FBLN2: variants seen among roughly 807,000 people sequenced by gnomAD.
FBLN2 encodes fibulin-2.
Under a neutral mutation model 123.7 loss-of-function variants are expected in FBLN2, and 81 were observed. The observed-to-expected ratio is 0.65, with a 90% CI of 0.55 to 0.79. The LOEUF (loss-of-function observed/expected upper bound fraction) is 0.79, where lower values mean the gene tolerates loss of function less well. Among genes scored for constraint, FBLN2 ranks in the 30% least tolerant of loss-of-function variants. The pLI is 0.00. For missense variants in FBLN2, 1,603 were observed against 1,681.3 expected, an observed-to-expected ratio of 0.95 and a Z score of 0.81; for synonymous variants, 699 against 701.4, an observed-to-expected ratio of 1.00 and a Z score of 0.05.
chr3:13,570,914 G>A lies in FBLN2; in HGVS notation c.559G>A (p.Gly187Ser), dbSNP rs1703920392. 6.2e-7 allele frequency: 1 copy of A among 1,612,882 alleles called. No homozygotes were observed. ...CHGNFSDAEE[G>S]DPERHYEDPY... ...CGGGAACTTCTCAGATGCCGAGGAG[G>A]GTGACCCCGAGCGACACTACGAAGA... is the stretch of plus-strand genomic sequence containing the variant. Residue 187 changes from glycine to serine, a missense_variant, in exon 2 of 18, where the codon GGT (glycine) becomes AGT (serine). Transcript: ENST00000404922.
intron 16 of FBLN2, among the ~76,000 whole-genome samples, chr3:13,632,713 G>A (rs1336651907): frequency 2.6e-5 from 4 of 152,118 alleles, no homozygotes; most frequent in South Asian, 2.1e-4. Context: ...GGATGCAAAC[G>A]TATCAGAGTC....
Position 13,621,860 on chromosome 3 carries a change from C to T in FBLN2, c.2241C>T (p.Asn747=). Residue 747 remains asparagine (N), a synonymous_variant, in exon 9 of 18, where the codon AAC becomes AAT. Transcript: ENST00000404922. ...CCCTGGGATCCTTCTACTGTGTCAA[C>T]CACACAGTGCTCTGTGCCGATGGCT... The part of the protein sequence containing the change: ...VNTLGSFYCV[N]HTVLCADGYI... 4 of 1,613,866 alleles carry T rather than the reference C, an allele frequency of 2.5e-6. No individual in the cohort carries two copies. The highest frequency in any genetic ancestry group is 3.4e-6 in the Non-Finnish European group (4 of 1,179,758).
chr3:13,568,768 C>A, intron 1 of FBLN2: 1 of 985,704 alleles, frequency 1.0e-6, no homozygotes, highest in Non-Finnish European at 1.2e-6. Flanking sequence ...CATCATGGGG[C>A]TCATGCCTGC....
In FBLN2 at chr3:13,558,755, G is replaced by GTCCA. The variant is rs59549734; in HGVS notation, c.-42+9568_-42+9571dup. On this transcript the variant is annotated intron_variant, in intron 1 of 17. Transcript: ENST00000404922. The stretch of plus-strand genomic sequence containing the variant: ...TTTTTAGCCACCCATCCATTCACTC[G>GTCCA]TCCATCCATCCATCCATCCATCCAC... Among the ~76,000 whole-genome samples, 360 of 127,082 alleles carry GTCCA rather than the reference G, an allele frequency of 2.8e-3. 1 individual carries two copies. Among genetic ancestry groups the GTCCA allele is most frequent in the South Asian group, 0.018 (66 of 3,600 alleles). The allele number at this position is 127,082 out of a possible 152,430, so 83.4% of individuals were successfully genotyped here.
At chr3:13,600,898 G>A (rs918457523) in intron 2 of FBLN2, among the ~76,000 whole-genome samples, 1 of 152,224 alleles carries the variant, frequency 6.6e-6, no homozygotes, top group African/African-American at 2.4e-5. Context: ...TTACAGGCGT[G>A]AGCCACTGCA....
At chr3:13,629,775 G>C (rs1278814794) in intron 13 of FBLN2, 45 bp from the exon 14 acceptor site, 2 of 1,541,494 alleles carry the variant, frequency 1.3e-6, no homozygotes, top group African/African-American at 1.4e-5. Context: ...GAGGGAGCTG[G>C]CTTTAGGGCC....
intron 1 of FBLN2, among the ~76,000 whole-genome samples, chr3:13,553,534 C>T (rs944830654): frequency 6.6e-6 from 1 of 152,214 alleles, no homozygotes; most frequent in East Asian, 1.9e-4. Flanking sequence ...CAGCTGGGCA[C>T]GTCCTTTCCC....
chr3:13,627,697 C>A, intron 10 of FBLN2, 135 bp from the exon 11 acceptor site: 1 of 1,148,824 alleles, frequency 8.7e-7, no homozygotes, highest in Non-Finnish European at 1.2e-6. Context: ...AACAATGTGG[C>A]TGTGCCAGCT....
At chr3:13,579,293 A>T (rs1704246535) in intron 2 of FBLN2, among the ~76,000 whole-genome samples, 1 of 152,250 alleles carries the variant, frequency 6.6e-6, no homozygotes, top group African/African-American at 2.4e-5. Context: ...CACACATCCC[A>T]TTAGCCTCAA....
chr3:13,628,896 C>T lies in FBLN2; in HGVS notation c.2570-9C>T, dbSNP rs369820495. The T allele has an allele frequency of 3.1e-6, 5 of 1,611,976 alleles. No individual in the cohort carries two copies. The highest frequency in any genetic ancestry group is 1.7e-5 in the Admixed American group (1 of 59,850). On this transcript the variant is annotated splice_polypyrimidine_tract_variant and intron_variant, in intron 11 of 17. Coordinates refer to ENST00000404922, the MANE Select transcript of FBLN2 (RefSeq NM_001004019.2). ...CCGGGCTCCCTGTCACCTACACCTG[C>T]CTCTGCAGACATCAACGAGTGCACG...
chr3:13,628,834 G>A (rs866199813), intron 11 of FBLN2, 71 bp from the exon 12 acceptor site: 1 of 1,546,246 alleles, frequency 6.5e-7, no homozygotes, highest in African/African-American at 1.4e-5. Context: ...CTCCCAGTGT[G>A]GCCCTGGGAG....
chr3:13,613,052 G>T (rs1321765215), intron 4 of FBLN2, among the ~76,000 whole-genome samples: 1 of 152,176 alleles, frequency 6.6e-6, no homozygotes, highest in Non-Finnish European at 1.5e-5. Flanking sequence ...GGCCTTGGCT[G>T]GGATGACTTG....
Position 13,602,709 on chromosome 3 carries a change from G to A in FBLN2, c.1307-5353G>A, listed in dbSNP as rs73814611. On this transcript the variant is annotated intron_variant, in intron 2 of 17. Coordinates refer to ENST00000404922, the MANE Select transcript of FBLN2 (RefSeq NM_001004019.2). ...ACTTTTCTATTTAATTGTTATGGGG[G>A]TATAGGAAAGCCACTAATTTGAGTG... is the stretch of plus-strand genomic sequence containing the variant. Among the ~76,000 whole-genome samples the A allele has an allele frequency of 3.4e-3, 518 of 152,222 alleles. 4 individuals are homozygous for A. Among genetic ancestry groups the A allele is most frequent in the African/African-American group, 0.012 (500 of 41,550 alleles).
chr3:13,623,237 C>T (rs940266643), intron 9 of FBLN2, among the ~76,000 whole-genome samples: 2 of 152,214 alleles, frequency 1.3e-5, no homozygotes, highest in Non-Finnish European at 2.9e-5. Context: ...TCTGGGAAGG[C>T]GGATCCCACC....
At position 13,629,062 on chromosome 3, in the gene FBLN2, C is replaced by T; in HGVS notation, c.2713+14C>T. 1.2e-6 allele frequency: 2 copies of T among 1,612,782 alleles called. No individual in the cohort carries two copies. The highest frequency in any genetic ancestry group is 1.1e-5 in the South Asian group (1 of 91,038). On this transcript the variant is annotated intron_variant, in intron 12 of 17. Coordinates refer to ENST00000404922, the MANE Select transcript of FBLN2 (RefSeq NM_001004019.2). Reference sequence around the variant, plus strand: ...CCAAGTGTGTGGGTAAGGCCAGCCGCCTCCGCCCTGCCAGCCAGCCCGGCC... The same window carrying T: ...CCAAGTGTGTGGGTAAGGCCAGCCGTCTCCGCCCTGCCAGCCAGCCCGGCC...
intron 1 of FBLN2, among the ~76,000 whole-genome samples, chr3:13,552,450 C>T (rs1039856593): frequency 6.6e-6 from 1 of 152,126 alleles, no homozygotes; most frequent in Non-Finnish European, 1.5e-5. Flanking sequence ...TCCTTAGCAG[C>T]CCTCTGTCAT....
At chr3:13,599,433 T>C (rs11128646) in intron 2 of FBLN2, among the ~76,000 whole-genome samples, 83,393 of 151,690 alleles carry the variant, frequency 0.55, 23,100 homozygotes, top group East Asian at 0.65. Flanking sequence ...GAGAGTGAGT[T>C]AGAGAAAGGA....
chr3:13,609,766 C>T lies in FBLN2; in HGVS notation c.1548+124C>T. The T allele has an allele frequency of 9.6e-6, 11 of 1,140,732 alleles. No homozygotes were observed. In the South Asian group the frequency reaches 1.6e-4, roughly 16 times the overall value. The allele number at this position is 1,140,732 out of a possible 1,614,324, so 70.7% of individuals were successfully genotyped here. A position where few individuals can be genotyped will look rare whatever the true frequency, so the allele number is the denominator to read the frequency against. On this transcript the variant is annotated intron_variant, in intron 4 of 17. Transcript: ENST00000404922. ...CCTTGGGGCTCCTCCTGGGAGTGACCCTCACGCCTGGGGTGGAAGGACTCT... is the reference window on the plus strand; with the variant it reads ...CCTTGGGGCTCCTCCTGGGAGTGACTCTCACGCCTGGGGTGGAAGGACTCT...
chr3:13,550,760 C>T (rs1691877703), intron 1 of FBLN2, among the ~76,000 whole-genome samples: 2 of 152,214 alleles, frequency 1.3e-5, no homozygotes, highest in South Asian at 4.1e-4. Flanking sequence ...CCCGCCCTCC[C>T]CTTCTGCAGC....
Sources: gnomAD v4.1 joint callset for allele counts (sites outside exome capture counted in the v4.1 genomes callset) on GRCh38, gnomAD v4.1.1 for gene constraint, MANE v1.5 for transcripts, NCBI Gene and HGNC (gene_info 2026-07-23, HGNC 2026-07-21) for gene names.